MARCHF4: variants seen among roughly 807,000 people sequenced by gnomAD.
MARCHF4 encodes membrane associated ring-CH-type finger 4, also known as E3 ubiquitin-protein ligase MARCHF4.
A neutral mutation model predicts 43.9 loss-of-function variants in MARCHF4; 14 were observed. That is an observed-to-expected ratio of 0.32 (90% CI 0.21 to 0.50). The LOEUF (loss-of-function observed/expected upper bound fraction) is 0.50, where lower values mean the gene tolerates loss of function less well. MARCHF4 is among the 20% of genes least tolerant of loss of function. MARCHF4 has a pLI of 0.98. For missense variants in MARCHF4, 468 were observed against 536.7 expected (o/e 0.87, Z 1.27); for synonymous variants, 226 against 213.3 (o/e 1.06, Z -0.52).
chr2:216,311,725 AT>A (rs892878209), intron 1 of MARCHF4, among the ~76,000 whole-genome samples: 4 of 152,238 alleles, frequency 2.6e-5, no homozygotes, highest in African/African-American at 9.6e-5. Flanking sequence ...ATGGGCTTGC[AT>A]AAGAGTAAGG....
At chr2:216,272,501 CA>C (rs1336904365) in intron 3 of MARCHF4, among the ~76,000 whole-genome samples, 1 of 152,158 alleles carries the variant, frequency 6.6e-6, no homozygotes, top group Non-Finnish European at 1.5e-5. Flanking sequence ...TGCAATTTTA[CA>C]GAGCAATCAG....
chr2:216,304,007 C>T (rs776455652), intron 1 of MARCHF4, among the ~76,000 whole-genome samples: 9 of 152,148 alleles, frequency 5.9e-5, no homozygotes, highest in Non-Finnish European at 1.3e-4. Flanking sequence ...CCCCAGGACC[C>T]TGAAACAGGG....
In MARCHF4 at chr2:216,259,511, G is replaced by T; in HGVS notation, c.1034C>A (p.Pro345His). Residue 345 changes from proline to histidine, a missense_variant, in exon 4 of 4, where the codon CCC (proline) becomes CAC (histidine). Coordinates refer to ENST00000273067, the MANE Select transcript of MARCHF4 (RefSeq NM_020814.3). ...GCCTGCGGTCTCCTCTTCCGAGGAG[G>T]GGATATTGGCCTGGGTGGATGAGGA... is the stretch of plus-strand genomic sequence containing the variant. The part of the protein sequence containing the change: ...RTSSSTQANI[P>H]SSEEETAGTP... The T allele has an allele frequency of 6.2e-7, 1 of 1,614,228 alleles. No individual in the cohort carries two copies. Among genetic ancestry groups the T allele is most frequent in the Non-Finnish European group, 8.5e-7 (1 of 1,180,030 alleles).
At chr2:216,291,205 G>T (rs1691302887) in intron 1 of MARCHF4, among the ~76,000 whole-genome samples, 1 of 152,166 alleles carries the variant, frequency 6.6e-6, no homozygotes, top group African/African-American at 2.4e-5. Flanking sequence ...GAGATGGCAA[G>T]AGGACATTTT....
At chr2:216,345,762 C>T (rs991595999) in intron 1 of MARCHF4, among the ~76,000 whole-genome samples, 5 of 152,172 alleles carry the variant, frequency 3.3e-5, no homozygotes, top group Admixed American at 2.0e-4. Flanking sequence ...TGCAGAATTT[C>T]GGGCTCTACC....
chr2:216,328,785 C>A (rs1214060714), intron 1 of MARCHF4, among the ~76,000 whole-genome samples: 1 of 152,218 alleles, frequency 6.6e-6, no homozygotes, highest in Non-Finnish European at 1.5e-5. Flanking sequence ...CACCTGTAAT[C>A]CCAGCACTTT....
At chr2:216,307,929 A>G (rs1209428733) in intron 1 of MARCHF4, among the ~76,000 whole-genome samples, 1 of 152,158 alleles carries the variant, frequency 6.6e-6, no homozygotes, top group Non-Finnish European at 1.5e-5. Context: ...GGTGGCATGC[A>G]TCTATAGTCC....
intron 3 of MARCHF4, among the ~76,000 whole-genome samples, chr2:216,268,903 A>T (rs951313939): frequency 6.6e-6 from 1 of 152,214 alleles, no homozygotes; most frequent in Non-Finnish European, 1.5e-5. Flanking sequence ...TGTTTGTACA[A>T]TCCTGCTGCC....
At chr2:216,337,152 G>GAAA (rs749557419) in intron 1 of MARCHF4, among the ~76,000 whole-genome samples, 1 of 107,630 alleles carries the variant, frequency 9.3e-6, no homozygotes, top group Non-Finnish European at 2.0e-5. Flanking sequence ...ACTCCCTCTT[G>GAAA]AAAAAAAAAA....
chr2:216,300,362 A>ATATACGTATATATATATGTGTATG (rs1691475830), intron 1 of MARCHF4, among the ~76,000 whole-genome samples: 1 of 141,144 alleles, frequency 7.1e-6, no homozygotes, highest in African/African-American at 3.0e-5. Context: ...ATATATATAT[A>ATATACGTATATATATATGTGTATG]TATATATGAC....
intron 3 of MARCHF4, among the ~76,000 whole-genome samples, chr2:216,267,978 C>T (rs1321883775): frequency 1.3e-5 from 2 of 152,126 alleles, no homozygotes; most frequent in South Asian, 2.1e-4. Flanking sequence ...CAGGAGGCCC[C>T]GGGTGGGTGG....
Position 216,354,974 on chromosome 2 carries a change from T to C in MARCHF4, c.516+14771A>G, listed in dbSNP as rs566117023. Among the ~76,000 whole-genome samples the C allele has an allele frequency of 5.2e-5, 7 of 134,136 alleles. No individual in the cohort carries two copies. In the East Asian group the frequency reaches 9.0e-4, roughly 17 times the overall value. The allele number at this position is 134,136 out of a possible 152,430, so 88.0% of individuals were successfully genotyped here. On this transcript the variant is annotated intron_variant, in intron 1 of 3. Transcript: ENST00000273067. The stretch of plus-strand genomic sequence containing the variant: ...TTCTTTCTTTCTTTCTTTCTTTCTT[T>C]CTTTCTTTCTTTTTTGAGACAGAGT...
intron 3 of MARCHF4, among the ~76,000 whole-genome samples, chr2:216,262,151 G>C (rs1368869446): frequency 6.6e-6 from 1 of 152,212 alleles, no homozygotes; most frequent in Non-Finnish European, 1.5e-5. Context: ...AAGATTTGTG[G>C]AGAGAGGAGA....
At chr2:216,319,408 G>T (rs1691843565) in intron 1 of MARCHF4, among the ~76,000 whole-genome samples, 1 of 152,108 alleles carries the variant, frequency 6.6e-6, no homozygotes, top group African/African-American at 2.4e-5. Flanking sequence ...TGTACCCAGT[G>T]CACGGCAGAC....
At chr2:216,354,891 TTTTCTTTC>T (rs71054468) in intron 1 of MARCHF4, among the ~76,000 whole-genome samples, 2,734 of 86,558 alleles carry the variant, frequency 0.032, 186 homozygotes, top group African/African-American at 0.036. Context: ...TTAATAATTG[TTTTCTTTC>T]TTTCTTTCTT....
intron 1 of MARCHF4, among the ~76,000 whole-genome samples, chr2:216,296,753 C>T (rs1691402292): frequency 1.3e-5 from 2 of 152,192 alleles, no homozygotes; most frequent in South Asian, 4.1e-4. Flanking sequence ...CTATGTGGGA[C>T]TTGTATTTCT....
At chr2:216,313,745 T>G (rs1691727540) in intron 1 of MARCHF4, among the ~76,000 whole-genome samples, 1 of 146,858 alleles carries the variant, frequency 6.8e-6, no homozygotes, top group African/African-American at 2.8e-5. Context: ...GGAGCATAGA[T>G]TTTTTCAGGG....
chr2:216,270,463 T>A (rs1690918409), intron 3 of MARCHF4, among the ~76,000 whole-genome samples: 1 of 152,080 alleles, frequency 6.6e-6, no homozygotes, highest in Admixed American at 6.6e-5. Context: ...GCCCTCAACA[T>A]CTTCCTCTAC....
chr2:216,322,059 C>T (rs768374701), intron 1 of MARCHF4, among the ~76,000 whole-genome samples: 4 of 152,062 alleles, frequency 2.6e-5, no homozygotes, highest in Admixed American at 6.6e-5. Flanking sequence ...CTAAACTGAC[C>T]GCAAGCATTG....
Sources: gnomAD v4.1 joint callset for allele counts (sites outside exome capture counted in the v4.1 genomes callset) on GRCh38, gnomAD v4.1.1 for gene constraint, MANE v1.5 for transcripts, NCBI Gene and HGNC (gene_info 2026-07-23, HGNC 2026-07-21) for gene names.